SOX6: variants seen among roughly 807,000 people sequenced by gnomAD.
SOX6 encodes transcription factor SOX-6.
A neutral mutation model predicts 97.8 loss-of-function variants in SOX6; 11 were observed. The ratio of observed to expected loss-of-function variants is 0.11; its 90% CI spans 0.07 to 0.19. SOX6 has a LOEUF of 0.19. Among genes scored for constraint, SOX6 ranks in the 10% least tolerant of loss-of-function variants. The probability of loss-of-function intolerance (pLI) is 1.00; values close to 1 mark genes in which losing one functional copy is unlikely to be tolerated. For synonymous variants in SOX6, 360 were observed against 371.4 expected (o/e 0.97, Z 0.35); for missense variants, 810 against 1,039.5 (o/e 0.78, Z 3.04).
chr11:16,486,142 T>A (rs1016909133), intron 4 of SOX6, among the ~76,000 whole-genome samples: 1 of 152,036 alleles, frequency 6.6e-6, no homozygotes, highest in Non-Finnish European at 1.5e-5. Flanking sequence ...ACTTAATCCA[T>A]GGTACAGAAT....
At chr11:16,505,897 G>A (rs2133147364) in intron 4 of SOX6, among the ~76,000 whole-genome samples, 1 of 152,342 alleles carries the variant, frequency 6.6e-6, no homozygotes, top group South Asian at 2.1e-4. Flanking sequence ...AAGAGTTGAG[G>A]CTTGGGAGCC....
chr11:16,328,209 T>C (rs1321220198), intron 2 of SOX6, among the ~76,000 whole-genome samples: 2 of 152,048 alleles, frequency 1.3e-5, no homozygotes, highest in East Asian at 3.9e-4. Context: ...AACCCTAAAA[T>C]AGGTCCAAAT....
chr11:16,737,295 C>T (rs935767047), intron 1 of SOX6, among the ~76,000 whole-genome samples: 5 of 152,186 alleles, frequency 3.3e-5, no homozygotes, highest in African/African-American at 4.8e-5. Context: ...AAACCTCCGC[C>T]TCCCGGGTTC....
chr11:16,056,000 C>T, intron 9 of SOX6, 99 bp from the exon 10 acceptor site: 2 of 1,313,094 alleles, frequency 1.5e-6, no homozygotes, highest in Non-Finnish European at 2.1e-6. Context: ...CTCAGACAGC[C>T]TTGTAATTTC....
intron 7 of SOX6, among the ~76,000 whole-genome samples, chr11:16,107,065 A>C (rs1002451608): frequency 1.3e-5 from 2 of 152,040 alleles, no homozygotes; most frequent in Non-Finnish European, 2.9e-5. Flanking sequence ...GGATGATAAT[A>C]ATAAAAAAAT....
chr11:16,638,305 T>C (rs1035536725), intron 3 of SOX6, among the ~76,000 whole-genome samples: 1 of 152,140 alleles, frequency 6.6e-6, no homozygotes, highest in African/African-American at 2.4e-5. Context: ...CAGTCTATCA[T>C]TGTTGGACAT....
At chr11:16,684,589 G>C (rs987137304) in intron 3 of SOX6, among the ~76,000 whole-genome samples, 1 of 151,412 alleles carries the variant, frequency 6.6e-6, no homozygotes, top group Non-Finnish European at 1.5e-5. Context: ...GGCGGGGTGG[G>C]GGGCTGGGGG....
intron 2 of SOX6, among the ~76,000 whole-genome samples, chr11:16,335,967 C>T (rs1360067116): frequency 6.6e-6 from 1 of 152,102 alleles, no homozygotes; most frequent in East Asian, 1.9e-4. Flanking sequence ...AAGGTGGAAA[C>T]TTATTTTAAA....
At chr11:16,686,042 T>C (rs1847966810) in intron 3 of SOX6, among the ~76,000 whole-genome samples, 1 of 152,246 alleles carries the variant, frequency 6.6e-6, no homozygotes, top group Non-Finnish European at 1.5e-5. Flanking sequence ...CGGAAGGTTG[T>C]GTCTCAAGGC....
chr11:16,003,847 C>A (rs1590122516), intron 13 of SOX6, among the ~76,000 whole-genome samples: 1 of 151,914 alleles, frequency 6.6e-6, no homozygotes, highest in East Asian at 1.9e-4. Flanking sequence ...ATTATTGGTT[C>A]CAATCTTACT....
chr11:16,541,429 A>G (rs1352128662), intron 4 of SOX6, among the ~76,000 whole-genome samples: 1 of 152,246 alleles, frequency 6.6e-6, no homozygotes, highest in Non-Finnish European at 1.5e-5. Flanking sequence ...CTTCATGACT[A>G]AAACACCGAA....
intron 3 of SOX6, among the ~76,000 whole-genome samples, chr11:16,620,781 A>AT (rs1848535303): frequency 1.3e-5 from 2 of 152,156 alleles, no homozygotes; most frequent in South Asian, 4.1e-4. Flanking sequence ...CTTTCCTGGA[A>AT]TAGGGCCATA....
intron 1 of SOX6, among the ~76,000 whole-genome samples, chr11:16,398,833 T>C (rs768390254): frequency 6.7e-6 from 1 of 149,998 alleles, no homozygotes; most frequent in Admixed American, 6.7e-5. Flanking sequence ...AAAAAAACCA[T>C]AAAAACCTAA....
chr11:16,174,271 G>T (rs999282232), intron 6 of SOX6, among the ~76,000 whole-genome samples: 1 of 151,820 alleles, frequency 6.6e-6, no homozygotes, highest in African/African-American at 2.4e-5. Flanking sequence ...TCAAAAGTTA[G>T]AGTCCAGACT....
chr11:16,508,453 C>T (rs1046563646), intron 4 of SOX6, among the ~76,000 whole-genome samples: 24 of 151,984 alleles, frequency 1.6e-4, no homozygotes, highest in Non-Finnish European at 2.9e-4. Context: ...AAATCAACCT[C>T]AGTGTCAGAA....
chr11:16,533,548 C>T (rs1229286635), intron 4 of SOX6, among the ~76,000 whole-genome samples: 4 of 151,940 alleles, frequency 2.6e-5, no homozygotes, highest in Non-Finnish European at 5.9e-5. Flanking sequence ...ATTTTTCACC[C>T]TAAGCTGAAG....
intron 1 of SOX6, among the ~76,000 whole-genome samples, chr11:16,454,555 G>A (rs535453197): frequency 1.3e-5 from 2 of 152,082 alleles, no homozygotes; most frequent in South Asian, 2.1e-4. Flanking sequence ...CTGAGTACCC[G>A]ATTTTTCTCT....
chr11:16,034,392 C>T (rs1374398658), intron 12 of SOX6, among the ~76,000 whole-genome samples: 2 of 152,168 alleles, frequency 1.3e-5, no homozygotes, highest in Non-Finnish European at 2.9e-5. Context: ...GCATTTCCAT[C>T]CATAGTGGGA....
intron 1 of SOX6, among the ~76,000 whole-genome samples, chr11:16,388,887 C>T (rs917079771): frequency 3.9e-5 from 6 of 152,094 alleles, no homozygotes; most frequent in East Asian, 1.9e-4. Flanking sequence ...GAACTTCTTA[C>T]GACTGTACAT....
Sources: allele counts gnomAD v4.1 joint callset (sites outside exome capture counted in the v4.1 genomes callset), GRCh38; gene constraint gnomAD v4.1.1; transcripts MANE v1.5; gene names NCBI Gene and HGNC (gene_info 2026-07-23, HGNC 2026-07-21).